WASF3: variants seen among roughly 807,000 people sequenced by gnomAD.
The protein encoded by WASF3 is WASP family member 3.
In WASF3, 11 loss-of-function variants were observed where a neutral mutation model predicts 46.6. That is an observed-to-expected ratio of 0.24 (90% CI 0.15 to 0.39). WASF3 has a LOEUF of 0.39. WASF3 is among the 10% of genes least tolerant of loss of function. The pLI is 1.00. For synonymous variants in WASF3, 242 were observed against 259.7 expected (o/e 0.93, Z 0.65); for missense variants, 576 against 669.8 (o/e 0.86, Z 1.55).
rs775879191 is a variant in WASF3, at chr13:26,672,030, A to G, written c.540+41A>G. 10 of 1,381,170 alleles carry G rather than the reference A, an allele frequency of 7.2e-6. No homozygotes were observed. The South Asian group carries it at 1.1e-4, about 15-fold the overall frequency. 85.6% of individuals were successfully genotyped at this position (1,381,170 alleles called of 1,614,324 possible). The stretch of plus-strand genomic sequence containing the variant: ...ATGGGAAATGTGCATATCAGTGTTC[A>G]AAGGAGATTCTTGTTTAGAAATAGT... On this transcript the variant is annotated intron_variant, in intron 6 of 9. Coordinates refer to ENST00000335327, the MANE Select transcript of WASF3 (RefSeq NM_006646.6).
intron 1 of WASF3, among the ~76,000 whole-genome samples, chr13:26,558,217 G>C (rs1025852405): frequency 6.6e-6 from 1 of 151,898 alleles, no homozygotes; most frequent in African/African-American, 2.4e-5. Context: ...GCCCCGGGCC[G>C]CTCCGCGTCC....
chr13:26,627,973 C>T (rs1013182719), intron 2 of WASF3, among the ~76,000 whole-genome samples: 6 of 151,748 alleles, frequency 4.0e-5, no homozygotes, highest in African/African-American at 1.5e-4. Context: ...AATCAGCAAT[C>T]TTCCCTAGGT....
chr13:26,612,351 C>A (rs1337184566), intron 1 of WASF3, among the ~76,000 whole-genome samples: 1 of 152,218 alleles, frequency 6.6e-6, no homozygotes, highest in African/African-American at 2.4e-5. Context: ...CTTGTTACCT[C>A]ATAGCTCTAG....
intron 3 of WASF3, among the ~76,000 whole-genome samples, chr13:26,650,838 G>A (rs1882293043): frequency 6.6e-6 from 1 of 152,086 alleles, no homozygotes. Context: ...ATTCACAAGA[G>A]AAAATGAATT....
chr13:26,556,836 C>A (rs558782270), upstream of WASF3, among the ~76,000 whole-genome samples: 1 of 152,182 alleles, frequency 6.6e-6, no homozygotes, highest in African/African-American at 2.4e-5. Context: ...ATTTAGTGAT[C>A]CTATTGGTAA....
chr13:26,610,146 AT>A (rs963293918), intron 1 of WASF3, among the ~76,000 whole-genome samples: 2 of 152,002 alleles, frequency 1.3e-5, no homozygotes, highest in African/African-American at 4.8e-5. Flanking sequence ...CAGCATCCCC[AT>A]CCCCATCCAC....
At chr13:26,634,076 T>G (rs535695679) in intron 2 of WASF3, among the ~76,000 whole-genome samples, 52 of 152,312 alleles carry the variant, frequency 3.4e-4, no homozygotes, top group African/African-American at 1.2e-3. Context: ...TGTCTAATAT[T>G]GACAGTGGGG....
At chr13:26,576,434 G>T (rs879825203) in intron 1 of WASF3, among the ~76,000 whole-genome samples, 2 of 152,048 alleles carry the variant, frequency 1.3e-5, no homozygotes, top group South Asian at 2.1e-4. Context: ...AGTGGTTTAC[G>T]TGGGGAATTT....
At chr13:26,635,371 C>CA (rs1172388709) in intron 2 of WASF3, among the ~76,000 whole-genome samples, 1 of 152,192 alleles carries the variant, frequency 6.6e-6, no homozygotes, top group Non-Finnish European at 1.5e-5. Flanking sequence ...ATTGTTTATT[C>CA]TAGTTAGCCA....
chr13:26,639,498 C>T (rs1001422325), intron 2 of WASF3, among the ~76,000 whole-genome samples: 7 of 152,150 alleles, frequency 4.6e-5, no homozygotes, highest in African/African-American at 1.4e-4. Context: ...TTCATGGACT[C>T]AGTCCCAAAT....
chr13:26,631,257 C>G (rs1414538876), intron 2 of WASF3, among the ~76,000 whole-genome samples: 1 of 152,146 alleles, frequency 6.6e-6, no homozygotes, highest in African/African-American at 2.4e-5. Context: ...ATGCCTATGT[C>G]CTGAATGGTA....
intron 1 of WASF3, among the ~76,000 whole-genome samples, chr13:26,597,759 T>G (rs979787686): frequency 6.6e-6 from 1 of 152,162 alleles, no homozygotes; most frequent in African/African-American, 2.4e-5. Flanking sequence ...AATGATAGTT[T>G]CCAGCTTCAT....
At chr13:26,539,185 A>C in the WASF3 span, among the ~76,000 whole-genome samples, 1 of 152,182 alleles carries the variant, frequency 6.6e-6, no homozygotes, top group Admixed American at 6.5e-5. Context: ...AACAGTGAGT[A>C]AATATCAAAT....
At chr13:26,610,237 C>T (rs1880930704) in intron 1 of WASF3, among the ~76,000 whole-genome samples, 1 of 152,336 alleles carries the variant, frequency 6.6e-6, no homozygotes, top group South Asian at 2.1e-4. Flanking sequence ...TCTTCATCAC[C>T]TGTCTTCTGA....
At chr13:26,565,966 A>G (rs1195220279) in intron 1 of WASF3, among the ~76,000 whole-genome samples, 3 of 152,238 alleles carry the variant, frequency 2.0e-5, no homozygotes, top group Non-Finnish European at 4.4e-5. Flanking sequence ...ACTTCAGAAC[A>G]TCATTTGAAA....
the WASF3 span, among the ~76,000 whole-genome samples, chr13:26,540,767 G>C: frequency 0.64 from 97,395 of 151,970 alleles, 31,532 homozygotes; most frequent in South Asian, 0.7. Flanking sequence ...CTCCCTCCCC[G>C]ACCTTACACG....
At chr13:26,657,796 A>G (rs1041136101) in intron 3 of WASF3, among the ~76,000 whole-genome samples, 9 of 152,258 alleles carry the variant, frequency 5.9e-5, no homozygotes, top group African/African-American at 1.2e-4. Flanking sequence ...GCTGTTTGCA[A>G]AACTGAAGAT....
Position 26,642,333 on chromosome 13 carries a change from G to T in WASF3, c.63G>T (p.Gly21=). The T allele has an allele frequency of 6.2e-7, 1 of 1,612,000 alleles. No homozygotes were observed. The highest frequency in any genetic ancestry group is 8.5e-7 in the Non-Finnish European group (1 of 1,179,254). Residue 21 remains glycine (G), a synonymous_variant, in exon 3 of 10, where the codon GGG becomes GGT. Coordinates refer to ENST00000335327, the MANE Select transcript of WASF3 (RefSeq NM_006646.6). The part of the protein sequence containing the change: ...RHLCRGALPE[G]ITSELECVTN... ...TGTGCCGGGGAGCTCTGCCTGAAGG[G>T]ATTACCAGCGAACTTGAATGTGTAA...
chr13:26,557,485 G>C (rs1879126337), upstream of WASF3, among the ~76,000 whole-genome samples: 1 of 149,338 alleles, frequency 6.7e-6, no homozygotes, highest in South Asian at 2.1e-4. Flanking sequence ...GGAGGACCAA[G>C]GGTGAGAGCC....
Sources: allele counts gnomAD v4.1 joint callset (sites outside exome capture counted in the v4.1 genomes callset), GRCh38; gene constraint gnomAD v4.1.1; transcripts MANE v1.5; gene names NCBI Gene and HGNC (gene_info 2026-07-23, HGNC 2026-07-21).